The following PSAP variants were observed in gnomAD, a reference collection of about 807,000 sequenced individuals.
PSAP encodes precursor of saposins.
PSAP carries 25 observed loss-of-function variants against 66.0 expected under a neutral mutation model. That is an observed-to-expected ratio of 0.38 (90% CI 0.28 to 0.53). PSAP has a LOEUF of 0.53. PSAP is among the 20% of genes least tolerant of loss of function. The pLI, the probability that PSAP is intolerant of heterozygous loss-of-function variation, is 0.83. For synonymous variants in PSAP, 273 were observed against 258.9 expected (o/e 1.05, Z -0.52); for missense variants, 649 against 668.8 (o/e 0.97, Z 0.33).
chr10:71,822,795 A>C, intron 7 of PSAP: 1 of 332,960 alleles, frequency 3.0e-6, no homozygotes. Flanking sequence ...AGCAGGAACA[A>C]AAGTGCTAAA....
intron 1 of PSAP, among the ~76,000 whole-genome samples, chr10:71,840,239 G>A (rs563410241): frequency 6.6e-6 from 1 of 151,826 alleles, no homozygotes; most frequent in East Asian, 1.9e-4. Context: ...CTGACAATCA[G>A]AGCCTACATT....
intron 1 of PSAP, among the ~76,000 whole-genome samples, chr10:71,848,641 A>G (rs111416836): frequency 0.011 from 1,677 of 152,342 alleles, 12 homozygotes; most frequent in South Asian, 0.025. Context: ...ATCCCGATTC[A>G]GGGTGGCATT....
At position 71,816,344 on chromosome 10, in the gene PSAP, A is replaced by G; in HGVS notation, c.*1097T>C. ...GTTAAATCACAGAAACTTTAGTGCA[A>G]AACAAAAATCACGAAGTCCATTTAA... On this transcript the variant is annotated 3_prime_UTR_variant, in exon 14 of 14. Transcript: ENST00000394936. 1 of 463,878 alleles carries G rather than the reference A, an allele frequency of 2.2e-6. No individual in the cohort carries two copies. Among genetic ancestry groups the G allele is most frequent in the Non-Finnish European group, 4.5e-6 (1 of 220,820 alleles). The allele number at this position is 463,878 out of a possible 1,614,324, so 28.7% of individuals were successfully genotyped here.
chr10:71,842,057 C>G (rs986516526), intron 1 of PSAP, among the ~76,000 whole-genome samples: 1 of 151,756 alleles, frequency 6.6e-6, no homozygotes, highest in Non-Finnish European at 1.5e-5. Context: ...ATTATAATTT[C>G]TGTAGTTTCT....
intron 1 of PSAP, among the ~76,000 whole-genome samples, chr10:71,842,409 A>G (rs888152256): frequency 2.6e-5 from 4 of 152,240 alleles, no homozygotes; most frequent in Admixed American, 1.3e-4. Flanking sequence ...TGGTTTATCA[A>G]TATTTCAAAG....
At chr10:71,840,823 AG>A in intron 1 of PSAP, among the ~76,000 whole-genome samples, 1 of 152,340 alleles carries the variant, frequency 6.6e-6, no homozygotes, top group East Asian at 1.9e-4. Context: ...CAGAGTCCTC[AG>A]GGAAATTACC....
intron 1 of PSAP, 71 bp downstream of exon 1, chr10:71,851,111 G>A (rs1477729153): frequency 1.3e-6 from 2 of 1,518,404 alleles, no homozygotes; most frequent in Non-Finnish European, 1.8e-6. Context: ...GCCAGGCCCG[G>A]CACAGCCCAT....
intron 8 of PSAP, 137 bp downstream of exon 8, chr10:71,821,739 G>T: frequency 8.5e-7 from 1 of 1,178,014 alleles, no homozygotes; most frequent in Non-Finnish European, 1.2e-6. Context: ...ATAAACCAGT[G>T]ATCACAAACT....
chr10:71,837,170 A>C (rs186198454), intron 1 of PSAP, among the ~76,000 whole-genome samples: 1 of 152,362 alleles, frequency 6.6e-6, no homozygotes, highest in African/African-American at 2.4e-5. Flanking sequence ...CCTTCTTAGC[A>C]AGACACCCCC....
intron 7 of PSAP, among the ~76,000 whole-genome samples, chr10:71,825,191 T>A (rs181436201): frequency 2.0e-5 from 3 of 152,154 alleles, no homozygotes; most frequent in African/African-American, 4.8e-5. Context: ...TCTCAAGTAG[T>A]CAGAAAGCAT....
At chr10:71,841,036 A>G (rs1373627659) in intron 1 of PSAP, among the ~76,000 whole-genome samples, 1 of 152,272 alleles carries the variant, frequency 6.6e-6, no homozygotes, top group African/African-American at 2.4e-5. Flanking sequence ...CACCTTAGAT[A>G]AGATTACATG....
At chr10:71,827,461 T>C (rs1410401844) in intron 6 of PSAP, among the ~76,000 whole-genome samples, 6 of 150,042 alleles carry the variant, frequency 4.0e-5, no homozygotes, top group Non-Finnish European at 8.9e-5. Context: ...GCGCAGAGAC[T>C]CACGCCTGTA....
chr10:71,826,038 C>A (rs998302320), intron 6 of PSAP, 145 bp from the exon 7 acceptor site: 2 of 712,262 alleles, frequency 2.8e-6, no homozygotes, highest in Non-Finnish European at 2.5e-6. Flanking sequence ...AATGTCTGCT[C>A]TGGGCCAGCT....
chr10:71,833,474 T>C (rs1025357611), intron 2 of PSAP, among the ~76,000 whole-genome samples: 3 of 152,258 alleles, frequency 2.0e-5, no homozygotes, highest in East Asian at 3.9e-4. Context: ...AAAGGGCAAG[T>C]ATGGCCACAG....
rs1353511976 is a variant in PSAP at position 71,825,581 on chromosome 10, G to A, written c.777+256C>T. ...TAGAAACCTGATGGCTGGCCTGAACGGGCAGAGGCAAACAAATTGCCAGGA... is the reference window on the plus strand; with the variant it reads ...TAGAAACCTGATGGCTGGCCTGAACAGGCAGAGGCAAACAAATTGCCAGGA... On this transcript the variant is annotated intron_variant, in intron 7 of 13. Coordinates refer to ENST00000394936, the MANE Select transcript of PSAP (RefSeq NM_002778.4). The A allele has an allele frequency of 2.5e-5, 14 of 561,400 alleles. 1 individual carries two copies. Among genetic ancestry groups the A allele is most frequent in the Admixed American group, 5.0e-5 (2 of 40,024 alleles). 34.8% of individuals were successfully genotyped at this position (561,400 alleles called of 1,614,324 possible).
At chr10:71,844,069 A>G (rs2133065799) in intron 1 of PSAP, among the ~76,000 whole-genome samples, 1 of 152,374 alleles carries the variant, frequency 6.6e-6, no homozygotes, top group East Asian at 1.9e-4. Context: ...AAGAAATGCA[A>G]ATGAAACCAC....
Position 71,843,357 on chromosome 10 carries a change from C to T in PSAP, c.40+7825G>A, listed in dbSNP as rs147644544. Among the ~76,000 whole-genome samples, 361 of 152,272 alleles carry T rather than the reference C, an allele frequency of 2.4e-3. 1 individual carries two copies. Among genetic ancestry groups the T allele is most frequent in the South Asian group, 0.015 (72 of 4,816 alleles). On this transcript the variant is annotated intron_variant, in intron 1 of 13. Transcript: ENST00000394936. The stretch of plus-strand genomic sequence containing the variant: ...CAGGTGACAGGCGACCTTGCGGACA[C>T]ACTTGAGTTTTATTCCTAGTGCTAT...
chr10:71,848,376 G>C (rs1842859714), intron 1 of PSAP, among the ~76,000 whole-genome samples: 1 of 152,236 alleles, frequency 6.6e-6, no homozygotes, highest in Non-Finnish European at 1.5e-5. Flanking sequence ...AGCGAGCACT[G>C]TGGAGTCTTG....
chr10:71,839,931 ATACT>A (rs1240096015), intron 1 of PSAP, among the ~76,000 whole-genome samples: 1 of 152,214 alleles, frequency 6.6e-6, no homozygotes, highest in East Asian at 1.9e-4. Flanking sequence ...ACTAATATAC[ATACT>A]TAATCAACGA....
Sources: allele counts gnomAD v4.1 joint callset (sites outside exome capture counted in the v4.1 genomes callset), GRCh38; gene constraint gnomAD v4.1.1; transcripts MANE v1.5; gene names NCBI Gene and HGNC (gene_info 2026-07-23, HGNC 2026-07-21).